SCYL2: variants seen among roughly 807,000 people sequenced by gnomAD.
The protein encoded by SCYL2 is SCY1 like pseudokinase 2, also known as SCY1-like protein 2.
In SCYL2, 36 loss-of-function variants were observed where a neutral mutation model predicts 100.4. That is an observed-to-expected ratio of 0.36 (90% CI 0.27 to 0.47). SCYL2 has a LOEUF of 0.47. SCYL2 is among the 20% of genes least tolerant of loss of function. The probability of loss-of-function intolerance (pLI) is 1.00; values close to 1 mark genes in which losing one functional copy is unlikely to be tolerated. For synonymous variants in SCYL2, 330 were observed against 359.2 expected (o/e 0.92, Z 0.92); for missense variants, 902 against 1,083.9 (o/e 0.83, Z 2.36).
chr12:100,307,728 A>C (rs913613122), intron 4 of SCYL2, among the ~76,000 whole-genome samples: 2 of 152,122 alleles, frequency 1.3e-5, no homozygotes, highest in Non-Finnish European at 2.9e-5. Context: ...TGGGAGGAAA[A>C]TTTTGCAATC....
intron 2 of SCYL2, among the ~76,000 whole-genome samples, chr12:100,286,349 T>A (rs965226745): frequency 6.6e-6 from 1 of 152,236 alleles, no homozygotes; most frequent in African/African-American, 2.4e-5. Context: ...GACATAAGAT[T>A]CTGTATTGTC....
chr12:100,269,736 T>C (rs772339892), intron 1 of SCYL2, among the ~76,000 whole-genome samples: 4 of 152,174 alleles, frequency 2.6e-5, no homozygotes, highest in Non-Finnish European at 5.9e-5. Context: ...GAAGAGTGTG[T>C]ACTTAACCAT....
chr12:100,328,150 C>T (rs1367443384), intron 12 of SCYL2, among the ~76,000 whole-genome samples: 3 of 152,122 alleles, frequency 2.0e-5, no homozygotes, highest in South Asian at 2.1e-4. Flanking sequence ...TGGTAGCATG[C>T]GCCTGTAGTC....
intron 12 of SCYL2, 108 bp from the exon 13 acceptor site, chr12:100,329,093 C>A: frequency 1.7e-6 from 1 of 587,412 alleles, no homozygotes; most frequent in Non-Finnish European, 3.1e-6. Flanking sequence ...TTGGGAAAAA[C>A]TTGTACTACA....
chr12:100,328,326 CCCTGGCTCTAAT>C (rs1361425928), intron 12 of SCYL2, among the ~76,000 whole-genome samples: 1 of 152,122 alleles, frequency 6.6e-6, no homozygotes. Context: ...GAAATTTGAG[CCCTGGCTCTAAT>C]CCTGGCTCTG....
intron 13 of SCYL2, among the ~76,000 whole-genome samples, chr12:100,330,191 A>G (rs1259452499): frequency 6.6e-6 from 1 of 152,220 alleles, no homozygotes; most frequent in South Asian, 2.1e-4. Context: ...TGGCAGATAT[A>G]TATAATACAG....
intron 11 of SCYL2, among the ~76,000 whole-genome samples, chr12:100,325,966 T>A (rs2096361293): frequency 6.6e-6 from 1 of 152,128 alleles, no homozygotes; most frequent in Admixed American, 6.5e-5. Flanking sequence ...TTTCTGCCTT[T>A]GTTGGTTTAC....
In SCYL2 at chr12:100,334,134, A is replaced by T. The variant is rs758316926; in HGVS notation, c.1762-32A>T. 2.4e-6 allele frequency: 3 copies of T among 1,245,122 alleles called. No homozygotes were observed. In the South Asian group the frequency reaches 3.6e-5, roughly 15 times the overall value. 77.1% of individuals were successfully genotyped at this position (1,245,122 alleles called of 1,614,324 possible). Reference sequence around the variant, plus strand: ...ATTACATTTGCTGCTAACTTGAAACATTGTAACCATATCAATTTCTCATTA... The same window carrying T: ...ATTACATTTGCTGCTAACTTGAAACTTTGTAACCATATCAATTTCTCATTA... On this transcript the variant is annotated intron_variant, in intron 13 of 17. Transcript: ENST00000360820.
intron 4 of SCYL2, among the ~76,000 whole-genome samples, chr12:100,308,061 AT>A (rs774899049): frequency 6.6e-6 from 1 of 152,184 alleles, no homozygotes; most frequent in Non-Finnish European, 1.5e-5. Flanking sequence ...TAGTTCAACC[AT>A]TGTTGAAAAC....
intron 4 of SCYL2, among the ~76,000 whole-genome samples, chr12:100,298,506 A>T (rs1478584326): frequency 6.6e-6 from 1 of 152,210 alleles, no homozygotes; most frequent in Non-Finnish European, 1.5e-5. Flanking sequence ...TAAAAATTTT[A>T]TCTTTAAGGA....
chr12:100,304,025 T>C (rs1037768028), intron 4 of SCYL2, among the ~76,000 whole-genome samples: 1 of 152,174 alleles, frequency 6.6e-6, no homozygotes, highest in Admixed American at 6.5e-5. Context: ...TTCTGCCCAG[T>C]GTGAACTTCT....
At chr12:100,281,019 G>GTTTTGTTTT (rs2096297553) in intron 1 of SCYL2, among the ~76,000 whole-genome samples, 2 of 50,492 alleles carry the variant, frequency 4.0e-5, no homozygotes, top group South Asian at 7.1e-4. Context: ...TACCATCAGT[G>GTTTTGTTTT]TTTTTTTTTT....
chr12:100,275,635 G>C (rs753764455), intron 1 of SCYL2, among the ~76,000 whole-genome samples: 1 of 152,064 alleles, frequency 6.6e-6, no homozygotes, highest in Non-Finnish European at 1.5e-5. Context: ...GGAATAAATT[G>C]TATTCTTTCT....
intron 3 of SCYL2, among the ~76,000 whole-genome samples, chr12:100,296,197 G>A (rs1405641637): frequency 6.6e-6 from 1 of 152,198 alleles, no homozygotes; most frequent in Non-Finnish European, 1.5e-5. Flanking sequence ...TTGTTAGGTT[G>A]TAAAAATTGT....
intron 10 of SCYL2, among the ~76,000 whole-genome samples, chr12:100,320,673 G>A (rs1032139195): frequency 2.0e-5 from 3 of 152,084 alleles, no homozygotes; most frequent in Non-Finnish European, 2.9e-5. Context: ...TTTAAGATTT[G>A]CCTCTTTGTA....
At chr12:100,307,702 C>T (rs149881763) in intron 4 of SCYL2, among the ~76,000 whole-genome samples, 2,162 of 152,274 alleles carry the variant, frequency 0.014, 51 homozygotes, top group African/African-American at 0.049. Context: ...TCAAAGTGAA[C>T]AGGCAACCTA....
chr12:100,322,856 G>A (rs138857190), intron 10 of SCYL2, among the ~76,000 whole-genome samples: 4,630 of 134,226 alleles, frequency 0.034, 91 homozygotes, highest in African/African-American at 0.062. Flanking sequence ...GCAAAACTCC[G>A]TCTCAAAAAA....
Position 100,283,101 on chromosome 12 carries a change from G to T in SCYL2, c.131G>T (p.Gly44Val), listed in dbSNP as rs1275943672. The T allele has an allele frequency of 3.1e-6, 5 of 1,609,914 alleles. No individual in the cohort carries two copies. In the Admixed American group the frequency reaches 6.8e-5, roughly 22 times the overall value. ...CGACACATTGCCAGTGGTGGCAATG[G>T]GCTAGCTTGGAAGATTTTTAATGGC... ...VGRHIASGGN[G>V]LAWKIFNGTK... Residue 44 changes from glycine (G) to valine (V), a missense_variant, in exon 2 of 18, where the codon GGG (glycine) becomes GTG (valine). By Grantham distance (109) the Gly-to-Val change is moderately radical (BLOSUM62 -3). Coordinates refer to ENST00000360820, the MANE Select transcript of SCYL2 (RefSeq NM_017988.6).
At chr12:100,298,799 G>A (rs2135870174) in intron 4 of SCYL2, among the ~76,000 whole-genome samples, 1 of 152,244 alleles carries the variant, frequency 6.6e-6, no homozygotes. Context: ...GGCCAGGCTG[G>A]TCTCGAACTC....
Sources: allele counts gnomAD v4.1 joint callset (sites outside exome capture counted in the v4.1 genomes callset), GRCh38; gene constraint gnomAD v4.1.1; transcripts MANE v1.5; gene names NCBI Gene and HGNC (gene_info 2026-07-23, HGNC 2026-07-21).